The following CALCRL variants were observed in gnomAD, a reference collection of about 807,000 sequenced individuals.
CALCRL encodes the protein calcitonin gene-related peptide type 1 receptor.
A neutral mutation model predicts 60.4 loss-of-function variants in CALCRL; 27 were observed. The observed-to-expected ratio is 0.45, with a 90% CI of 0.33 to 0.62. CALCRL has a LOEUF of 0.62. Ranked by LOEUF, CALCRL falls within the 20% of genes least tolerant of loss-of-function variation. CALCRL has a pLI of 0.03. For synonymous variants in CALCRL, 190 were observed against 182.6 expected (o/e 1.04, Z -0.33); for missense variants, 424 against 540.7 (o/e 0.78, Z 2.14).
chr2:187,360,968 C>T (rs926669752), intron 9 of CALCRL, among the ~76,000 whole-genome samples: 3 of 151,570 alleles, frequency 2.0e-5, no homozygotes, highest in African/African-American at 7.3e-5. Flanking sequence ...GTATATCTTC[C>T]AGAAAAAAAG....
At chr2:187,419,115 C>T (rs919497263) in intron 1 of CALCRL, among the ~76,000 whole-genome samples, 1 of 149,908 alleles carries the variant, frequency 6.7e-6, no homozygotes, top group Non-Finnish European at 1.5e-5. Context: ...CCTCATGATC[C>T]ACCCGCCTCG....
intron 8 of CALCRL, among the ~76,000 whole-genome samples, chr2:187,378,259 G>A (rs770876942): frequency 5.9e-5 from 9 of 152,072 alleles, no homozygotes; most frequent in South Asian, 4.1e-4. Context: ...CTCTTGTCAC[G>A]CTGAATTCTA....
At position 187,403,352 on chromosome 2, in the gene CALCRL, A is replaced by G. The variant is rs1229783336; in HGVS notation, c.-292-15596T>C. On this transcript the variant is annotated intron_variant, in intron 1 of 14. Coordinates refer to ENST00000392370, the MANE Select transcript of CALCRL (RefSeq NM_005795.6). ...AAAATGGGTGGTGGGGAAATACCTG[A>G]GTGCAGTTCTCACATCTTGAAGAAA... Among the ~76,000 whole-genome samples the G allele has an allele frequency of 3.3e-5, 5 of 151,808 alleles. No individual in the cohort carries two copies. The South Asian group carries it at 8.3e-4, about 25-fold the overall frequency.
At chr2:187,397,802 T>G (rs796690662) in intron 1 of CALCRL, among the ~76,000 whole-genome samples, 1 of 151,756 alleles carries the variant, frequency 6.6e-6, no homozygotes, top group Admixed American at 6.6e-5. Flanking sequence ...AGTATTTGAC[T>G]TTTTTAGTTG....
At chr2:187,425,268 T>C (rs1690069790) in intron 1 of CALCRL, among the ~76,000 whole-genome samples, 1 of 151,994 alleles carries the variant, frequency 6.6e-6, no homozygotes, top group African/African-American at 2.4e-5. Context: ...TATAGTGTTA[T>C]TCATTATCAA....
chr2:187,395,948 T>C (rs894228611), intron 1 of CALCRL, among the ~76,000 whole-genome samples: 5 of 151,822 alleles, frequency 3.3e-5, no homozygotes, highest in Non-Finnish European at 7.4e-5. Flanking sequence ...AAATGATTGT[T>C]ATACAGAAAC....
At chr2:187,407,386 T>C (rs1003335315) in intron 1 of CALCRL, among the ~76,000 whole-genome samples, 1 of 152,084 alleles carries the variant, frequency 6.6e-6, no homozygotes, top group Admixed American at 6.6e-5. Context: ...GTTTGTAAAG[T>C]AAATAAGGAA....
intron 1 of CALCRL, among the ~76,000 whole-genome samples, chr2:187,434,413 A>C (rs1195734556): frequency 6.6e-6 from 1 of 152,172 alleles, no homozygotes; most frequent in African/African-American, 2.4e-5. Flanking sequence ...TAATAAGGAA[A>C]ATGCAGATTA....
At chr2:187,400,486 G>A (rs1688843026) in intron 1 of CALCRL, among the ~76,000 whole-genome samples, 1 of 151,342 alleles carries the variant, frequency 6.6e-6, no homozygotes. Context: ...TTTTCTAAAT[G>A]TTAAACATAG....
chr2:187,384,145 C>G (rs1688106101), intron 4 of CALCRL, among the ~76,000 whole-genome samples: 1 of 152,084 alleles, frequency 6.6e-6, no homozygotes, highest in Non-Finnish European at 1.5e-5. Context: ...ATCAAAATGA[C>G]ATTCCCTCAC....
At position 187,344,719 on chromosome 2, in the gene CALCRL, A is replaced by G. The variant is rs1686209566; in HGVS notation, c.*1465T>C. The G allele has an allele frequency of 6.6e-6, 1 of 151,748 alleles. No individual in the cohort carries two copies. Among genetic ancestry groups the G allele is most frequent in the Non-Finnish European group, 1.5e-5 (1 of 67,748 alleles). The allele number at this position is 151,748 out of a possible 1,614,324, so 9.4% of individuals were successfully genotyped here. On this transcript the variant is annotated 3_prime_UTR_variant, in exon 15 of 15. Coordinates refer to ENST00000392370, the MANE Select transcript of CALCRL (RefSeq NM_005795.6). ...CTCTATTAAAATATTAAAGCATTGT[A>G]TATGGTATATATAGTATCCTTCTAG...
chr2:187,420,466 A>C (rs80343171), intron 1 of CALCRL, among the ~76,000 whole-genome samples: 183 of 152,138 alleles, frequency 1.2e-3, no homozygotes, highest in African/African-American at 4.2e-3. Context: ...TTTTTTTCAA[A>C]AGAAAAAAAT....
At position 187,346,187 on chromosome 2, in the gene CALCRL, A is replaced by G. The variant is rs1315634860; in HGVS notation, c.1383T>C (p.Asn461=). Residue 461 remains asparagine, a synonymous_variant, in exon 15 of 15, where the codon AAT becomes AAC. Transcript: ENST00000392370. ...NVLLKPENLY[N] ...TGAGACAACCATCCTTCTATTTTCAATTATATAAATTTTCTGGTTTTAAGA... is the reference window on the plus strand; with the variant it reads ...TGAGACAACCATCCTTCTATTTTCAGTTATATAAATTTTCTGGTTTTAAGA... The G allele has an allele frequency of 1.2e-5, 19 of 1,576,738 alleles. No individual in the cohort carries two copies. The highest frequency in any genetic ancestry group is 1.5e-5 in the Non-Finnish European group (17 of 1,150,912).
chr2:187,354,697 G>A (rs1012012119), intron 12 of CALCRL, among the ~76,000 whole-genome samples: 2 of 151,958 alleles, frequency 1.3e-5, no homozygotes, highest in African/African-American at 2.4e-5. Flanking sequence ...AAAGTTTTAG[G>A]CAAATAATGT....
At chr2:187,410,966 G>A (rs1041298763) in intron 1 of CALCRL, among the ~76,000 whole-genome samples, 3 of 151,962 alleles carry the variant, frequency 2.0e-5, no homozygotes, top group African/African-American at 7.3e-5. Context: ...TTATCCTTCC[G>A]ACTTTTATAT....
rs1037505630 is a variant in CALCRL at position 187,344,965 on chromosome 2, C to A, written c.*1219G>T. ...CACCTATTATTAAGGTATGAGTTAT[C>A]AAAACAAATATATTCAATAAAATAG... On this transcript the variant is annotated 3_prime_UTR_variant, in exon 15 of 15. Transcript: ENST00000392370. 16 of 151,686 alleles carry A rather than the reference C, an allele frequency of 1.1e-4. 1 individual carries two copies. In the East Asian group the frequency reaches 2.9e-3, roughly 28 times the overall value. 9.4% of individuals were successfully genotyped at this position (151,686 alleles called of 1,614,324 possible).
intron 12 of CALCRL, among the ~76,000 whole-genome samples, chr2:187,352,767 A>G (rs980009661): frequency 6.6e-6 from 1 of 151,890 alleles, no homozygotes; most frequent in Non-Finnish European, 1.5e-5. Flanking sequence ...TTCTAAATGT[A>G]TATTATACCA....
At chr2:187,353,615 G>A (rs858747) in intron 12 of CALCRL, among the ~76,000 whole-genome samples, 131,926 of 151,830 alleles carry the variant, frequency 0.87, 57,536 homozygotes, top group African/African-American at 0.91. Context: ...AATGTTTGCA[G>A]ACACAGAAAT....
intron 5 of CALCRL, among the ~76,000 whole-genome samples, chr2:187,381,858 G>A (rs569147821): frequency 6.6e-6 from 1 of 152,100 alleles, no homozygotes; most frequent in Admixed American, 6.5e-5. Context: ...CATTTATCTA[G>A]CCCTCATGAA....
Sources: gnomAD v4.1 joint callset for allele counts (sites outside exome capture counted in the v4.1 genomes callset) on GRCh38, gnomAD v4.1.1 for gene constraint, MANE v1.5 for transcripts, NCBI Gene and HGNC (gene_info 2026-07-23, HGNC 2026-07-21) for gene names.